Variants in ATP10B observed in about 807,000 individuals in gnomAD.
The protein encoded by ATP10B is ATPase phospholipid transporting 10B (putative).
Under a neutral mutation model 141.2 loss-of-function variants are expected in ATP10B, and 122 were observed. The observed-to-expected ratio is 0.86, with a 90% CI of 0.75 to 1.00. The LOEUF (loss-of-function observed/expected upper bound fraction) is 1.00, where lower values mean the gene tolerates loss of function less well. Among genes scored for constraint, ATP10B ranks in the 50% least tolerant of loss-of-function variants. ATP10B has a pLI of 0.00. For synonymous variants in ATP10B, 685 were observed against 692.0 expected, an observed-to-expected ratio of 0.99 and a Z score of 0.16; for missense variants, 1,876 against 1,825.3, an observed-to-expected ratio of 1.03 and a Z score of -0.51.
chr5:160,731,610 T>C (rs1005774000), intron 2 of ATP10B, among the ~76,000 whole-genome samples: 30 of 152,190 alleles, frequency 2.0e-4, no homozygotes, highest in African/African-American at 7.2e-4. Flanking sequence ...TTGGCCTGGG[T>C]GCCAGTGCAG....
intron 3 of ATP10B, among the ~76,000 whole-genome samples, chr5:160,696,563 C>T (rs1409716915): frequency 6.6e-6 from 1 of 152,104 alleles, no homozygotes; most frequent in African/African-American, 2.4e-5. Context: ...TGGCCTACAC[C>T]TCTATGTCTC....
chr5:160,678,104 A>G (rs1367835585), intron 6 of ATP10B, among the ~76,000 whole-genome samples: 3 of 152,196 alleles, frequency 2.0e-5, no homozygotes, highest in Non-Finnish European at 1.5e-5. Context: ...ACCTCTAGAC[A>G]GTTTTGCTGA....
chr5:160,685,345 C>A, intron 6 of ATP10B: 1 of 568,494 alleles, frequency 1.8e-6, no homozygotes, highest in Non-Finnish European at 3.1e-6. Flanking sequence ...GGCTGCAAAC[C>A]CCAGGGGAGA....
chr5:160,764,079 A>C (rs1769235824), intron 2 of ATP10B, among the ~76,000 whole-genome samples: 1 of 152,126 alleles, frequency 6.6e-6, no homozygotes, highest in African/African-American at 2.4e-5. Flanking sequence ...ATTGTCAAGA[A>C]AATAAACTTC....
At chr5:160,595,444 G>C (rs2127617648) in intron 22 of ATP10B, among the ~76,000 whole-genome samples, 1 of 152,166 alleles carries the variant, frequency 6.6e-6, no homozygotes, top group Middle Eastern at 3.4e-3. Flanking sequence ...AAGCAGGAAA[G>C]ATCTAAAATT....
chr5:160,812,053 A>AGAGAGAGG (rs1207577602), intron 1 of ATP10B, among the ~76,000 whole-genome samples: 7 of 138,664 alleles, frequency 5.0e-5, no homozygotes, highest in African/African-American at 1.8e-4. Flanking sequence ...AGAGAGAGAG[A>AGAGAGAGG]GAGAGAGGGA....
the ATP10B span, among the ~76,000 whole-genome samples, chr5:160,900,908 GTTTTTTTTTTTTT>G: frequency 3.4e-5 from 3 of 88,954 alleles, no homozygotes; most frequent in East Asian, 4.1e-4. Flanking sequence ...GGGTAGAGAA[GTTTTTTTTTTTTT>G]TTTTTTTTTT....
At chr5:160,742,789 T>C (rs1171818949) in intron 2 of ATP10B, among the ~76,000 whole-genome samples, 1 of 152,136 alleles carries the variant, frequency 6.6e-6, no homozygotes, top group African/African-American at 2.4e-5. Context: ...ACTTCCTAGT[T>C]TCTGGTTCTG....
At chr5:160,641,919 G>C (rs1759894628) in intron 9 of ATP10B, among the ~76,000 whole-genome samples, 1 of 152,204 alleles carries the variant, frequency 6.6e-6, no homozygotes, top group Admixed American at 6.5e-5. Flanking sequence ...TGCTGCAGTT[G>C]TGAGCAGGGG....
intron 1 of ATP10B, among the ~76,000 whole-genome samples, chr5:160,851,174 C>G (rs1292381586): frequency 1.3e-5 from 2 of 152,182 alleles, no homozygotes; most frequent in African/African-American, 4.8e-5. Context: ...AATTGCCTGG[C>G]AAATTCAGAG....
intron 11 of ATP10B, among the ~76,000 whole-genome samples, chr5:160,635,119 T>C (rs911830487): frequency 2.0e-5 from 3 of 148,712 alleles, no homozygotes; most frequent in East Asian, 4.1e-4. Flanking sequence ...TATATATGAG[T>C]GGTGGTAAGT....
the ATP10B span, among the ~76,000 whole-genome samples, chr5:160,914,758 C>T: frequency 2.0e-5 from 3 of 152,194 alleles, no homozygotes; most frequent in Admixed American, 1.3e-4. Flanking sequence ...AAGTTACCAA[C>T]ATGAAATGGA....
Position 160,634,368 on chromosome 5 carries a change from G to T in ATP10B, c.1367C>A (p.Ser456Tyr). 1.9e-6 allele frequency: 3 copies of T among 1,614,180 alleles called. No individual in the cohort carries two copies. The highest frequency in any genetic ancestry group is 2.5e-6 in the Non-Finnish European group (3 of 1,180,016). ...RRCTIMGSEY[S>Y]HQENAKRLET... ...AGCTTCTATACCATTTTCTTGGTGA[G>T]AATACTCGCTGCCCATGATGGTGCA... The change falls in exon 12 of 26, where the codon TCT becomes TAT. Residue 456 changes from serine to tyrosine, a missense_variant. Transcript: ENST00000327245.
In ATP10B at chr5:160,569,488, G is replaced by T. The variant is rs775044803; in HGVS notation, c.3938+8C>A. 6.2e-7 allele frequency: 1 copy of T among 1,613,452 alleles called. No homozygotes were observed. The highest frequency in any genetic ancestry group is 8.5e-7 in the Non-Finnish European group (1 of 1,179,684). On this transcript the variant is annotated splice_region_variant and intron_variant, in intron 25 of 25. Transcript: ENST00000327245. ...TTTAGGAAAGAAACACAGCCCTAGTGCTCAAACCTTGGGAGAAGAGCAACA... is the reference window on the plus strand; with the variant it reads ...TTTAGGAAAGAAACACAGCCCTAGTTCTCAAACCTTGGGAGAAGAGCAACA...
chr5:160,767,960 C>T (rs1245462464), intron 2 of ATP10B, among the ~76,000 whole-genome samples: 11 of 152,074 alleles, frequency 7.2e-5, no homozygotes, highest in African/African-American at 2.7e-4. Flanking sequence ...CTCTTTCTCT[C>T]CCGAACATTT....
rs748110995 is a variant in ATP10B at position 160,684,956 on chromosome 5, C to T, written c.470+1123G>A. 48 of 703,344 alleles carry T rather than the reference C, an allele frequency of 6.8e-5. No individual in the cohort carries two copies. The African/African-American group carries it at 7.3e-4, about 11-fold the overall frequency. 43.6% of individuals were successfully genotyped at this position (703,344 alleles called of 1,614,324 possible). On this transcript the variant is annotated intron_variant, in intron 6 of 25. Coordinates refer to ENST00000327245, the MANE Select transcript of ATP10B (RefSeq NM_025153.3). ...ATAACACAGATTGGTATCATGCTCACCTCAGGCTGGAAAGCATTGACCACA... is the reference window on the plus strand; with the variant it reads ...ATAACACAGATTGGTATCATGCTCATCTCAGGCTGGAAAGCATTGACCACA...
chr5:160,864,652 T>TA, the ATP10B span, among the ~76,000 whole-genome samples: 5 of 152,020 alleles, frequency 3.3e-5, no homozygotes, highest in African/African-American at 1.2e-4. Context: ...TGTTTACTGA[T>TA]ATGATTGTAT....
intron 2 of ATP10B, among the ~76,000 whole-genome samples, chr5:160,781,192 A>G (rs138785654): frequency 6.6e-6 from 1 of 152,332 alleles, no homozygotes; most frequent in Admixed American, 6.5e-5. Flanking sequence ...TATGAAATAC[A>G]TGGGGATCTT....
chr5:160,588,479 C>G (rs915576578), intron 24 of ATP10B, among the ~76,000 whole-genome samples: 1 of 152,134 alleles, frequency 6.6e-6, no homozygotes, highest in Non-Finnish European at 1.5e-5. Context: ...ATTTTTAATG[C>G]TTGTACTTCC....
Sources: gnomAD v4.1 joint callset for allele counts (sites outside exome capture counted in the v4.1 genomes callset) on GRCh38, gnomAD v4.1.1 for gene constraint, MANE v1.5 for transcripts, NCBI Gene and HGNC (gene_info 2026-07-23, HGNC 2026-07-21) for gene names.